TIAM2: variants seen among roughly 807,000 people sequenced by gnomAD.
TIAM2 encodes TIAM Rac1 associated GEF 2, also known as rho guanine nucleotide exchange factor TIAM2.
In TIAM2, 80 loss-of-function variants were observed where a neutral mutation model predicts 152.9. That is an observed-to-expected ratio of 0.52 (90% CI 0.44 to 0.63). The LOEUF is 0.63. Ranked by LOEUF, TIAM2 falls within the 30% of genes least tolerant of loss-of-function variation. The pLI is 0.00. For missense variants in TIAM2, 1,965 were observed against 2,120.1 expected (o/e 0.93, Z 1.44); for synonymous variants, 804 against 838.0 (o/e 0.96, Z 0.70).
At chr6:155,141,996 A>G (rs1325407293) in intron 5 of TIAM2, among the ~76,000 whole-genome samples, 1 of 152,196 alleles carries the variant, frequency 6.6e-6, no homozygotes, top group East Asian at 1.9e-4. Flanking sequence ...CTCCAAGCCA[A>G]GACCAGCGCT....
intron 14 of TIAM2, among the ~76,000 whole-genome samples, chr6:155,204,679 A>G (rs1299090748): frequency 6.6e-6 from 1 of 152,210 alleles, no homozygotes; most frequent in East Asian, 1.9e-4. Flanking sequence ...TATGCTTTGA[A>G]GCATGAAAAA....
rs59365890 is a variant in TIAM2 at position 155,243,846 on chromosome 6, CAAAAAAAAAAAA to C, written c.3349-145_3349-134del. On this transcript the variant is annotated intron_variant, in intron 16 of 26. Coordinates refer to ENST00000682666, the MANE Select transcript of TIAM2 (RefSeq NM_012454.4). ...TGGGTGACAGAGCAAGACTCCGTCTCAAAAAAAAAAAAAAAAAAAAAAAAAAAAAAAGAATTT... is the reference window on the plus strand; with the variant it reads ...TGGGTGACAGAGCAAGACTCCGTCTCAAAAAAAAAAAAAAAAAAAGAATTT... Among the ~76,000 whole-genome samples, 76 of 55,056 alleles carry C rather than the reference CAAAAAAAAAAAA, an allele frequency of 1.4e-3. 1 individual carries two copies. Among genetic ancestry groups the C allele is most frequent in the African/African-American group, 5.8e-3 (72 of 12,398 alleles). 36.1% of individuals were successfully genotyped at this position (55,056 alleles called of 152,430 possible).
chr6:155,241,472 T>A (rs960250898), intron 16 of TIAM2, among the ~76,000 whole-genome samples: 1 of 152,112 alleles, frequency 6.6e-6, no homozygotes, highest in Non-Finnish European at 1.5e-5. Context: ...CCCCTTCAAC[T>A]CCCTTATTTG....
intron 2 of TIAM2, among the ~76,000 whole-genome samples, chr6:155,107,612 G>A (rs1055863901): frequency 6.6e-6 from 1 of 152,122 alleles, no homozygotes; most frequent in Non-Finnish European, 1.5e-5. Flanking sequence ...CATCTCATCA[G>A]GGCTTAATTT....
At chr6:155,132,827 G>A (rs1395103852) in intron 4 of TIAM2, among the ~76,000 whole-genome samples, 2 of 152,196 alleles carry the variant, frequency 1.3e-5, no homozygotes, top group African/African-American at 4.8e-5. Context: ...ATCTGTATAT[G>A]TGGCCTGGCT....
chr6:155,195,879 G>A (rs2115175308), intron 14 of TIAM2, among the ~76,000 whole-genome samples: 1 of 152,372 alleles, frequency 6.6e-6, no homozygotes, highest in South Asian at 2.1e-4. Context: ...GCCTGGAAGG[G>A]CAAGGGAAGA....
intron 2 of TIAM2, among the ~76,000 whole-genome samples, chr6:155,106,262 C>T (rs1778686869): frequency 6.6e-6 from 1 of 152,058 alleles, no homozygotes; most frequent in Admixed American, 6.6e-5. Flanking sequence ...TCCTCGGCCT[C>T]CCAACGTGCT....
chr6:155,141,195 C>A (rs1486197708), intron 5 of TIAM2, among the ~76,000 whole-genome samples: 1 of 152,132 alleles, frequency 6.6e-6, no homozygotes, highest in Admixed American at 6.5e-5. Context: ...GCACACATTT[C>A]TTCCTTTCCT....
At chr6:155,116,409 A>G (rs1298198109) in intron 2 of TIAM2, among the ~76,000 whole-genome samples, 2 of 143,972 alleles carry the variant, frequency 1.4e-5, no homozygotes, top group Non-Finnish European at 3.0e-5. Flanking sequence ...AAACAAGGCA[A>G]AAACCCTTGT....
At chr6:155,197,582 C>T (rs1039905242) in intron 14 of TIAM2, among the ~76,000 whole-genome samples, 26 of 151,982 alleles carry the variant, frequency 1.7e-4, no homozygotes, top group African/African-American at 6.0e-4. Flanking sequence ...CAGACATACC[C>T]GAGACTGAGT....
chr6:155,088,363 G>C (rs1170680806), intron 1 of TIAM2, among the ~76,000 whole-genome samples: 1 of 152,144 alleles, frequency 6.6e-6, no homozygotes, highest in African/African-American at 2.4e-5. Flanking sequence ...TTACAGGCGT[G>C]AGCCACTGCA....
At chr6:155,066,648 A>G (rs1777699391) in intron 1 of TIAM2, among the ~76,000 whole-genome samples, 2 of 152,322 alleles carry the variant, frequency 1.3e-5, no homozygotes, top group South Asian at 4.1e-4. Context: ...AGATTTTAAC[A>G]ACAAACTTAA....
At chr6:155,048,951 C>G (rs903190876) in intron 1 of TIAM2, among the ~76,000 whole-genome samples, 1 of 151,982 alleles carries the variant, frequency 6.6e-6, no homozygotes, top group Admixed American at 6.6e-5. Flanking sequence ...TAGGTGCATG[C>G]CACCATGCAC....
At chr6:154,999,201 AAATTAATTAATT>A (rs71021101) in intron 1 of TIAM2, among the ~76,000 whole-genome samples, 2 of 149,804 alleles carry the variant, frequency 1.3e-5, no homozygotes, top group East Asian at 2.0e-4. Flanking sequence ...TGCTATAGGA[AAATTAATTAATT>A]AATTAATTAA....
At chr6:154,996,317 G>A (rs1184418143) in intron 1 of TIAM2, among the ~76,000 whole-genome samples, 1 of 152,160 alleles carries the variant, frequency 6.6e-6, no homozygotes, top group African/African-American at 2.4e-5. Context: ...TTTATTTAAA[G>A]AGGGAGAAGG....
intron 1 of TIAM2, among the ~76,000 whole-genome samples, chr6:155,073,930 TGGTA>T (rs1210468712): frequency 1.3e-5 from 2 of 152,140 alleles, no homozygotes; most frequent in African/African-American, 4.8e-5. Context: ...CCTTTGAGGC[TGGTA>T]GGTGGAAAAT....
At chr6:155,192,811 A>G (rs934753711) in intron 14 of TIAM2, among the ~76,000 whole-genome samples, 1 of 152,206 alleles carries the variant, frequency 6.6e-6, no homozygotes, top group Non-Finnish European at 1.5e-5. Flanking sequence ...ATACAGGTAC[A>G]TGTAGTTGGA....
intron 10 of TIAM2, among the ~76,000 whole-genome samples, chr6:155,178,540 G>A (rs1326417536): frequency 6.6e-6 from 1 of 151,862 alleles, no homozygotes; most frequent in Non-Finnish European, 1.5e-5. Context: ...AAAAATAATT[G>A]TCCTCCTTTA....
chr6:155,133,310 G>A (rs1043588690), intron 4 of TIAM2, among the ~76,000 whole-genome samples: 2 of 152,084 alleles, frequency 1.3e-5, no homozygotes, highest in South Asian at 4.1e-4. Context: ...TCACGCCAGC[G>A]CACTCCAGCC....
Sources: gnomAD v4.1 joint callset for allele counts (sites outside exome capture counted in the v4.1 genomes callset) on GRCh38, gnomAD v4.1.1 for gene constraint, MANE v1.5 for transcripts, NCBI Gene and HGNC (gene_info 2026-07-23, HGNC 2026-07-21) for gene names.